The following KLHDC2 variants were observed in gnomAD, a reference collection of about 807,000 sequenced individuals.
KLHDC2 encodes kelch domain containing 2.
KLHDC2 carries 38 observed loss-of-function variants against 62.3 expected under a neutral mutation model. That is an observed-to-expected ratio of 0.61 (90% CI 0.47 to 0.80). The LOEUF is 0.80. Ranked by LOEUF, KLHDC2 falls within the 30% of genes least tolerant of loss-of-function variation. The pLI is 0.00. For synonymous variants in KLHDC2, 159 were observed against 161.0 expected (o/e 0.99, Z 0.09); for missense variants, 430 against 495.3 (o/e 0.87, Z 1.25).
chr14:49,769,782 CA>C (rs5808513), intron 1 of KLHDC2, among the ~76,000 whole-genome samples: 149,721 of 150,562 alleles, frequency 0.99, 74,447 homozygotes, highest in Middle Eastern at 1. Context: ...ACTAAAAATA[CA>C]AAAAAAAAAA....
At position 49,778,466 on chromosome 14, in the gene KLHDC2, C is replaced by G. The variant is rs769040447; in HGVS notation, c.605C>G (p.Thr202Arg). ...NDHVHILDTE[T>R]FTWSQPITTG... ...CATGTACATATTTTAGATACTGAAA[C>G]ATTTACCTGGAGCCAGCCTATAACT... Residue 202 changes from threonine (T) to arginine (R), a missense_variant, in exon 6 of 13, where the codon ACA (threonine) becomes AGA (arginine). Transcript: ENST00000298307. The G allele has an allele frequency of 6.8e-7, 1 of 1,461,294 alleles. No individual in the cohort carries two copies. Among genetic ancestry groups the G allele is most frequent in the Non-Finnish European group, 9.2e-7 (1 of 1,081,688 alleles). The allele number at this position is 1,461,294 out of a possible 1,614,324, so 90.5% of individuals were successfully genotyped here.
rs1890174285 is a variant in KLHDC2, at chr14:49,786,255, A to G, written c.*3302A>G. ...ATGTTAATAGTGCCAAAGTTGAGAA[A>G]CCCTGGGCTAGAACAGCCTTCTCTC... On this transcript the variant is annotated 3_prime_UTR_variant, in exon 13 of 13. Transcript: ENST00000298307. 2 of 160,726 alleles carry G rather than the reference A, an allele frequency of 1.2e-5. No homozygotes were observed. Among genetic ancestry groups the G allele is most frequent in the Admixed American group, 1.2e-4 (2 of 16,722 alleles). The allele number at this position is 160,726 out of a possible 1,614,324, so 10.0% of individuals were successfully genotyped here. A position where few individuals can be genotyped will look rare whatever the true frequency, so the allele number is the denominator to read the frequency against.
chr14:49,774,443 C>G, intron 2 of KLHDC2, 118 bp from the exon 3 acceptor site: 1 of 721,366 alleles, frequency 1.4e-6, no homozygotes, highest in South Asian at 1.6e-5. Context: ...GCGGCACTGT[C>G]TACTCTGCCT....
Position 49,781,441 on chromosome 14 carries a change from G to A in KLHDC2, c.956+666G>A, listed in dbSNP as rs373664092. ...TTTAAACCTTAATCACATGGGAGGC[G>A]AGGTACAGTGGGATTACAGGATTAC... is the stretch of plus-strand genomic sequence containing the variant. On this transcript the variant is annotated intron_variant, in intron 10 of 12. Coordinates refer to ENST00000298307, the MANE Select transcript of KLHDC2 (RefSeq NM_014315.3). Among the ~76,000 whole-genome samples, 18 of 151,258 alleles carry A rather than the reference G, an allele frequency of 1.2e-4. 2 individuals carry two copies. Among genetic ancestry groups the A allele is most frequent in the Admixed American group, 8.6e-4 (13 of 15,162 alleles).
At chr14:49,770,264 G>A (rs1232575131) in intron 1 of KLHDC2, among the ~76,000 whole-genome samples, 2 of 152,146 alleles carry the variant, frequency 1.3e-5, no homozygotes, top group African/African-American at 2.4e-5. Context: ...TATGGCTGGT[G>A]GCTGGAACCC....
intron 4 of KLHDC2, 32 bp downstream of exon 4, chr14:49,777,986 T>C: frequency 7.3e-7 from 1 of 1,363,238 alleles, no homozygotes; most frequent in Non-Finnish European, 1.0e-6. Flanking sequence ...TTTGGGTTTT[T>C]ATGTGTAAAG....
chr14:49,783,901 A>G lies in KLHDC2; in HGVS notation c.*948A>G, dbSNP rs561687211. 6.6e-6 allele frequency: 1 copy of G among 152,258 alleles called. No homozygotes were observed. Among genetic ancestry groups the G allele is most frequent in the African/African-American group, 2.4e-5 (1 of 41,554 alleles). The allele number at this position is 152,258 out of a possible 1,614,324, so 9.4% of individuals were successfully genotyped here. On this transcript the variant is annotated 3_prime_UTR_variant, in exon 13 of 13. Transcript: ENST00000298307. ...TGAAAGCAGAAGAAAATCCACTCCA[A>G]TACTTAGTTTTCAAGACACAATCCT...
In KLHDC2 at chr14:49,784,550, A is replaced by C. The variant is rs1051630837; in HGVS notation, c.*1597A>C. On this transcript the variant is annotated 3_prime_UTR_variant, in exon 13 of 13. Coordinates refer to ENST00000298307, the MANE Select transcript of KLHDC2 (RefSeq NM_014315.3). ...GTTTAGTTCATTTTTATAATGCGGA[A>C]ATCCTGATACATGGTGCTTTCATCT... 2.3e-5 allele frequency: 21 copies of C among 894,210 alleles called. No homozygotes were observed. In the African/African-American group the frequency reaches 3.3e-4, roughly 14 times the overall value. 55.4% of individuals were successfully genotyped at this position (894,210 alleles called of 1,614,324 possible). A position where few individuals can be genotyped will look rare whatever the true frequency, so the allele number is the denominator to read the frequency against.
chr14:49,785,598 A>C lies in KLHDC2; in HGVS notation c.*2645A>C, dbSNP rs1350710490. ...CCTACAGTTACATTTAAGAGAAAGA[A>C]GGCCCAGGAGCAGTGGTTCACGCCT... On this transcript the variant is annotated 3_prime_UTR_variant, in exon 13 of 13. Transcript: ENST00000298307. 1 of 351,060 alleles carries C rather than the reference A, an allele frequency of 2.8e-6. No homozygotes were observed. Among genetic ancestry groups the C allele is most frequent in the Non-Finnish European group, 5.4e-6 (1 of 184,246 alleles). The allele number at this position is 351,060 out of a possible 1,614,324, so 21.7% of individuals were successfully genotyped here.
chr14:49,781,937 C>T (rs140793785), intron 10 of KLHDC2: 140 of 161,632 alleles, frequency 8.7e-4, no homozygotes, highest in African/African-American at 3.0e-3. Context: ...AGTAAGACTT[C>T]ATTTGCACAA....
Position 49,782,529 on chromosome 14 carries a change from A to G in KLHDC2, c.1045-13A>G, listed in dbSNP as rs771520873. ...ATTTGCTTTTAAATGTGTTCTTCCT[A>G]TTTATTTTTCAGGCACACAGTAATG... On this transcript the variant is annotated splice_polypyrimidine_tract_variant and intron_variant, in intron 11 of 12. Coordinates refer to ENST00000298307, the MANE Select transcript of KLHDC2 (RefSeq NM_014315.3). 4 of 1,605,042 alleles carry G rather than the reference A, an allele frequency of 2.5e-6. No homozygotes were observed. The highest frequency in any genetic ancestry group is 2.6e-6 in the Non-Finnish European group (3 of 1,173,860).
At chr14:49,777,012 A>T (rs1889787222) in intron 3 of KLHDC2, among the ~76,000 whole-genome samples, 1 of 152,086 alleles carries the variant, frequency 6.6e-6, no homozygotes, top group Non-Finnish European at 1.5e-5. Flanking sequence ...CCACCAATCA[A>T]CAAGTGGATA....
At position 49,784,952 on chromosome 14, in the gene KLHDC2, T is replaced by C. The variant is rs73283660; in HGVS notation, c.*1999T>C. ...TTACGCTGCGGAATAAGTCTTTTTCTCTTGCTGTTGCTTCTTTGGAATGCA... is the reference window on the plus strand; with the variant it reads ...TTACGCTGCGGAATAAGTCTTTTTCCCTTGCTGTTGCTTCTTTGGAATGCA... On this transcript the variant is annotated 3_prime_UTR_variant, in exon 13 of 13. Transcript: ENST00000298307. 1.2e-3 allele frequency: 2,017 copies of C among 1,613,902 alleles called. 33 individuals carry two copies. In the African/African-American group the frequency reaches 0.023, roughly 18 times the overall value.
At chr14:49,773,570 CTTTTTTTT>C (rs569284056) in intron 2 of KLHDC2, among the ~76,000 whole-genome samples, 3 of 74,188 alleles carry the variant, frequency 4.0e-5, no homozygotes, top group African/African-American at 1.6e-4. Context: ...AAAATAATAA[CTTTTTTTT>C]TTTTTTTTTT....
At chr14:49,782,712 C>G in intron 12 of KLHDC2, 118 bp downstream of exon 12, 2 of 1,389,932 alleles carry the variant, frequency 1.4e-6, no homozygotes, top group Admixed American at 2.1e-5. Context: ...ATTGCTATAA[C>G]CAGTTCCTAT....
Position 49,784,515 on chromosome 14 carries a change from GC to G in KLHDC2, c.*1563del, listed in dbSNP as rs558158053. ...GAAGTAAGTCCTTTTGGTGAATATA[GC>G]AAGGCAATGTTTAGTTCATTTTTAT... is the stretch of plus-strand genomic sequence containing the variant. On this transcript the variant is annotated 3_prime_UTR_variant, in exon 13 of 13. Coordinates refer to ENST00000298307, the MANE Select transcript of KLHDC2 (RefSeq NM_014315.3). The G allele has an allele frequency of 3.9e-3, 2,605 of 673,738 alleles. 16 individuals are homozygous for G. The highest frequency in any genetic ancestry group is 5.3e-3 in the Non-Finnish European group (2,085 of 393,006). 41.7% of individuals were successfully genotyped at this position (673,738 alleles called of 1,614,324 possible). A position where few individuals can be genotyped will look rare whatever the true frequency, so the allele number is the denominator to read the frequency against.
chr14:49,782,258 G>C (rs902137901), intron 10 of KLHDC2, 112 bp from the exon 11 acceptor site: 11 of 609,892 alleles, frequency 1.8e-5, no homozygotes, highest in Admixed American at 6.3e-5. Flanking sequence ...ATGATGTTTT[G>C]GTCTGAACTA....
At position 49,782,845 on chromosome 14, in the gene KLHDC2, A is replaced by G. The variant is rs1594708943; in HGVS notation, c.1113A>G (p.Ala371=). The G allele has an allele frequency of 6.2e-7, 1 of 1,613,806 alleles. No individual in the cohort carries two copies. Among genetic ancestry groups the G allele is most frequent in the Non-Finnish European group, 8.5e-7 (1 of 1,179,836 alleles). The change falls in exon 13 of 13, where the codon GCA becomes GCG. Residue 371 remains alanine (A), a synonymous_variant. Coordinates refer to ENST00000298307, the MANE Select transcript of KLHDC2 (RefSeq NM_014315.3). The stretch of plus-strand genomic sequence containing the variant: ...CCACTTTCAGGCTAAGCTTAGAAGC[A>G]GTCATTTGCTTTAAAGAAATGTTAG... ...PKSLVRLSLE[A]VICFKEMLAN...
chr14:49,779,437 TG>T (rs1195487741), intron 6 of KLHDC2, among the ~76,000 whole-genome samples, 157 bp from the exon 7 acceptor site: 1 of 152,228 alleles, frequency 6.6e-6, no homozygotes, highest in Non-Finnish European at 1.5e-5. Flanking sequence ...TGCCCAGTTT[TG>T]GTAGTCAGCT....
Sources: allele counts gnomAD v4.1 joint callset (sites outside exome capture counted in the v4.1 genomes callset), GRCh38; gene constraint gnomAD v4.1.1; transcripts MANE v1.5; gene names NCBI Gene and HGNC (gene_info 2026-07-23, HGNC 2026-07-21).